The following GAPVD1 variants were observed in gnomAD, a reference collection of about 807,000 sequenced individuals.
GAPVD1 encodes the protein GTPase-activating protein and VPS9 domain-containing protein 1.
A neutral mutation model predicts 155.5 loss-of-function variants in GAPVD1; 35 were observed. The observed-to-expected ratio is 0.23, with a 90% CI of 0.17 to 0.30. The LOEUF (loss-of-function observed/expected upper bound fraction) is 0.30. Ranked by LOEUF, GAPVD1 falls within the 10% of genes least tolerant of loss-of-function variation. The pLI is 1.00. For synonymous variants in GAPVD1, 636 were observed against 619.7 expected, an observed-to-expected ratio of 1.03 and a Z score of -0.39; for missense variants, 1,429 against 1,775.7, an observed-to-expected ratio of 0.80 and a Z score of 3.51.
intron 25 of GAPVD1, among the ~76,000 whole-genome samples, chr9:125,357,835 C>G (rs1319679844): frequency 6.6e-6 from 1 of 151,898 alleles, no homozygotes; most frequent in South Asian, 2.1e-4. Context: ...ATTAGCCAGG[C>G]ATGATGGCTC....
chr9:125,313,263 C>G (rs942304777), intron 9 of GAPVD1, among the ~76,000 whole-genome samples: 8 of 151,740 alleles, frequency 5.3e-5, no homozygotes, highest in Non-Finnish European at 8.8e-5. Context: ...GGAGCACAAA[C>G]ATTCAGATCC....
chr9:125,323,780 C>A lies in GAPVD1; in HGVS notation c.1733-18C>A. 1 of 1,612,922 alleles carries A rather than the reference C, an allele frequency of 6.2e-7. No individual in the cohort carries two copies. Among genetic ancestry groups the A allele is most frequent in the Non-Finnish European group, 8.5e-7 (1 of 1,179,128 alleles). ...GACTGTTTTAAAAAGATTGCTCACA[C>A]TATAAACATTTCTCTAGGTCCTTCA... On this transcript the variant is annotated intron_variant, in intron 10 of 27. Coordinates refer to ENST00000297933, the MANE Select transcript of GAPVD1 (RefSeq NM_001282680.3).
At chr9:125,284,823 C>G (rs1273147570) in intron 2 of GAPVD1, among the ~76,000 whole-genome samples, 1 of 152,140 alleles carries the variant, frequency 6.6e-6, no homozygotes, top group African/African-American at 2.4e-5. Flanking sequence ...ACTGAATACT[C>G]TAGGCAATTA....
chr9:125,331,025 T>G (rs1409522542), intron 13 of GAPVD1, among the ~76,000 whole-genome samples: 1 of 151,838 alleles, frequency 6.6e-6, no homozygotes, highest in Non-Finnish European at 1.5e-5. Context: ...GTATATAAAG[T>G]GTTTTGTACT....
chr9:125,306,756 G>T (rs1841889603), intron 6 of GAPVD1, among the ~76,000 whole-genome samples: 1 of 152,222 alleles, frequency 6.6e-6, no homozygotes, highest in African/African-American at 2.4e-5. Flanking sequence ...GCCTCCCAAA[G>T]TGCTGGGATT....
chr9:125,354,819 G>A lies in GAPVD1; in HGVS notation c.3735G>A (p.Lys1245=). ...GATTACTGCTTGAGAGCAAAGAAAAGAAGATCAGGGAATTCATTCAAGGTA... is the reference window on the plus strand; with the variant it reads ...GATTACTGCTTGAGAGCAAAGAAAAAAAGATCAGGGAATTCATTCAAGGTA... The part of the protein sequence containing the change: ...CVRLLLESKE[K]KIREFIQDFQ... Residue 1245 remains lysine (K), a synonymous_variant, in exon 24 of 28, where the codon AAG becomes AAA. Transcript: ENST00000297933. The A allele has an allele frequency of 6.2e-7, 1 of 1,612,954 alleles. No homozygotes were observed. The highest frequency in any genetic ancestry group is 8.5e-7 in the Non-Finnish European group (1 of 1,178,954).
chr9:125,360,092 T>A (rs1850693194), intron 26 of GAPVD1, among the ~76,000 whole-genome samples: 1 of 152,246 alleles, frequency 6.6e-6, no homozygotes, highest in South Asian at 2.1e-4. Flanking sequence ...GTACATATTT[T>A]TAAATTAACC....
intron 11 of GAPVD1, among the ~76,000 whole-genome samples, chr9:125,325,519 CAAAAAAAAAAA>C (rs34510251): frequency 1.1e-5 from 1 of 93,254 alleles, no homozygotes; most frequent in African/African-American, 3.6e-5. Context: ...GACTCCATCT[CAAAAAAAAAAA>C]AAAAAAAAAG....
At chr9:125,315,672 T>A (rs930427543) in intron 9 of GAPVD1, among the ~76,000 whole-genome samples, 2 of 152,064 alleles carry the variant, frequency 1.3e-5, no homozygotes, top group Non-Finnish European at 2.9e-5. Flanking sequence ...TAGTTGCTTC[T>A]GCTTGCATTA....
chr9:125,312,348 A>G, intron 8 of GAPVD1, 104 bp from the exon 9 acceptor site: 1 of 698,170 alleles, frequency 1.4e-6, no homozygotes, highest in Non-Finnish European at 2.3e-6. Context: ...ACTCTTGTGC[A>G]TGTGCAAATG....
chr9:125,354,302 C>CCT (rs2132502567), intron 23 of GAPVD1, among the ~76,000 whole-genome samples: 1 of 152,244 alleles, frequency 6.6e-6, no homozygotes, highest in East Asian at 1.9e-4. Context: ...CTGTAGCTGT[C>CCT]AATTTCCTAT....
At position 125,307,676 on chromosome 9, in the gene GAPVD1, C is replaced by G; in HGVS notation, c.1252-15C>G. The G allele has an allele frequency of 6.2e-7, 1 of 1,606,740 alleles. No homozygotes were observed. Among genetic ancestry groups the G allele is most frequent in the Non-Finnish European group, 8.5e-7 (1 of 1,173,554 alleles). On this transcript the variant is annotated splice_polypyrimidine_tract_variant and intron_variant, in intron 7 of 27. Coordinates refer to ENST00000297933, the MANE Select transcript of GAPVD1 (RefSeq NM_001282680.3). ...AAAAGTGATTTCATTAGCTAATGTT[C>G]TTTGCTTTTGCCAGGTGAATTTTAT...
Position 125,268,182 on chromosome 9 carries a change from A to G in GAPVD1, c.-198-754A>G, listed in dbSNP as rs867289182. Among the ~76,000 whole-genome samples the G allele has an allele frequency of 1.3e-4, 19 of 142,630 alleles. No homozygotes were observed. The South Asian group carries it at 2.5e-3, about 19-fold the overall frequency. The allele number at this position is 142,630 out of a possible 152,430, so 93.6% of individuals were successfully genotyped here. ...TCTGTCTCAAAAAAAAACAACAACA[A>G]ACAAACAAACAACCCCCCCCCCCAA... On this transcript the variant is annotated intron_variant, in intron 1 of 27. Transcript: ENST00000297933.
At chr9:125,322,286 G>T (rs1023134464) in intron 10 of GAPVD1, among the ~76,000 whole-genome samples, 13 of 151,906 alleles carry the variant, frequency 8.6e-5, no homozygotes, top group African/African-American at 2.9e-4. Context: ...GGATGGTCTC[G>T]ATCTCCTGAC....
chr9:125,276,459 C>T (rs908290456), intron 2 of GAPVD1, among the ~76,000 whole-genome samples: 2 of 152,120 alleles, frequency 1.3e-5, no homozygotes, highest in African/African-American at 2.4e-5. Context: ...TGGGATTACA[C>T]AGGCGGATCA....
chr9:125,270,533 G>C (rs1029587778), intron 2 of GAPVD1, among the ~76,000 whole-genome samples: 4 of 152,184 alleles, frequency 2.6e-5, no homozygotes, highest in African/African-American at 9.6e-5. Flanking sequence ...AAAAATTTCA[G>C]AAGGGTGGTT....
intron 11 of GAPVD1, among the ~76,000 whole-genome samples, chr9:125,325,149 T>C (rs568681377): frequency 4.6e-4 from 70 of 151,264 alleles, no homozygotes; most frequent in Middle Eastern, 6.8e-3. Flanking sequence ...CGCTTGAACC[T>C]GGGAGGCAGG....
At chr9:125,312,038 C>T (rs1306444514) in intron 8 of GAPVD1, among the ~76,000 whole-genome samples, 1 of 152,092 alleles carries the variant, frequency 6.6e-6, no homozygotes, top group Non-Finnish European at 1.5e-5. Context: ...CTTGTAAGCT[C>T]AGTTATTGGT....
At chr9:125,355,437 T>C (rs1366324548) in intron 24 of GAPVD1, among the ~76,000 whole-genome samples, 1 of 152,198 alleles carries the variant, frequency 6.6e-6, no homozygotes, top group Non-Finnish European at 1.5e-5. Flanking sequence ...TTCCTTGCAC[T>C]TAAACTTTCA....
Sources: gnomAD v4.1 joint callset for allele counts (sites outside exome capture counted in the v4.1 genomes callset) on GRCh38, gnomAD v4.1.1 for gene constraint, MANE v1.5 for transcripts, NCBI Gene and HGNC (gene_info 2026-07-23, HGNC 2026-07-21) for gene names.